FAM153A: variants seen among roughly 807,000 people sequenced by gnomAD.
FAM153A encodes the protein protein FAM153A.
Under a neutral mutation model 48.1 loss-of-function variants are expected in FAM153A, and 12 were observed. The observed-to-expected ratio is 0.25, with a 90% CI of 0.16 to 0.40. The LOEUF (loss-of-function observed/expected upper bound fraction) is 0.40. Among genes scored for constraint, FAM153A ranks in the 10% least tolerant of loss-of-function variants. The pLI, the probability that FAM153A is intolerant of heterozygous loss-of-function variation, is 1.00. For missense variants in FAM153A, 111 were observed against 345.8 expected (o/e 0.32, Z 5.38); for synonymous variants, 36 against 118.2 (o/e 0.30, Z 4.51).
upstream of FAM153A, among the ~76,000 whole-genome samples, chr5:177,755,723 T>G (rs1209670704): frequency 8.6e-5 from 13 of 151,426 alleles, 1 homozygote; most frequent in African/African-American, 3.2e-4. Context: ...GAATTTCATA[T>G]CCAGCCAAAC....
chr5:177,746,124 A>G (rs1488689916), intron 4 of FAM153A, among the ~76,000 whole-genome samples: 2,964 of 151,014 alleles, frequency 0.02, 71 homozygotes, highest in Non-Finnish European at 0.021. Context: ...TAAAAGACCA[A>G]GAGCTTGGGA....
downstream of FAM153A, among the ~76,000 whole-genome samples, chr5:177,710,624 C>T (rs1023511742): frequency 2.2e-4 from 32 of 145,974 alleles, no homozygotes; most frequent in Non-Finnish European, 3.3e-4. Context: ...AAACTTGCTC[C>T]TGTATGGCTG....
chr5:177,706,886 G>T (rs1371426322), downstream of FAM153A: 1 of 151,978 alleles, frequency 6.6e-6, no homozygotes, highest in African/African-American at 2.4e-5. Context: ...GTTACCAAAA[G>T]TGAGTATGTA....
chr5:177,696,757 C>T, the FAM153A span, among the ~76,000 whole-genome samples: 4 of 151,424 alleles, frequency 2.6e-5, no homozygotes, highest in Admixed American at 2.6e-4. Context: ...GCCTTGAAGT[C>T]CTGGGCTCAA....
At chr5:177,759,817 G>C (rs942232849) in intron 1 of FAM153A, among the ~76,000 whole-genome samples, 10 of 151,242 alleles carry the variant, frequency 6.6e-5, no homozygotes, top group Non-Finnish European at 1.0e-4. Flanking sequence ...CCTGTTGTGG[G>C]GGGGAGGGAT....
At chr5:177,715,237 C>T (rs1402679638) in intron 25 of FAM153A, among the ~76,000 whole-genome samples, 1 of 151,764 alleles carries the variant, frequency 6.6e-6, no homozygotes, top group Non-Finnish European at 1.5e-5. Context: ...CTGCCTCAGC[C>T]TCCCAAAGTG....
At chr5:177,737,397 C>T (rs891014364) in intron 10 of FAM153A, among the ~76,000 whole-genome samples, 2 of 151,132 alleles carry the variant, frequency 1.3e-5, no homozygotes, top group African/African-American at 2.5e-5. Flanking sequence ...CCTGGAGCAT[C>T]GACAGCTTCT....
intron 18 of FAM153A, among the ~76,000 whole-genome samples, chr5:177,728,548 G>A (rs1763074354): frequency 8.5e-6 from 1 of 117,402 alleles, no homozygotes; most frequent in African/African-American, 2.9e-5. Context: ...TTAGTTTGTT[G>A]GGGTGTTTTT....
chr5:177,735,264 G>A (rs1764530563), intron 12 of FAM153A, among the ~76,000 whole-genome samples: 1 of 147,002 alleles, frequency 6.8e-6, no homozygotes, highest in South Asian at 2.1e-4. Context: ...CTGCTGATCT[G>A]TTTATCATCC....
chr5:177,782,993 C>G (rs1158832402), upstream of FAM153A: 3 of 94,166 alleles, frequency 3.2e-5, no homozygotes, highest in East Asian at 3.9e-4. Flanking sequence ...GGCCGTGTAG[C>G]CCGCCCCGCT....
chr5:177,753,923 G>A (rs894802340), upstream of FAM153A, among the ~76,000 whole-genome samples: 41 of 152,030 alleles, frequency 2.7e-4, 1 homozygote, highest in African/African-American at 9.7e-4. Context: ...TGCAGAATAC[G>A]AAGGATTTCT....
At chr5:177,719,514 C>T (rs1294223175), downstream of FAM153A, among the ~76,000 whole-genome samples, 1 of 150,992 alleles carries the variant, frequency 6.6e-6, no homozygotes, top group Non-Finnish European at 1.5e-5. Context: ...CCCAGCTCGG[C>T]AAGGATAAGA....
intron 1 of FAM153A, among the ~76,000 whole-genome samples, chr5:177,758,945 C>G (rs1308806853): frequency 6.6e-6 from 1 of 151,682 alleles, no homozygotes; most frequent in East Asian, 1.9e-4. Flanking sequence ...ACACCAAAAG[C>G]AATGACAATG....
rs1258290379 is a variant in FAM153A, at chr5:177,741,436, G to T, written c.365-104C>A. On this transcript the variant is annotated intron_variant, in intron 6 of 20. Transcript: ENST00000614127. ...GGGGCTGGCACATGTAGACAAGGGGGGTTAACTACAAAAAAGGACCTCCTG... is the reference window on the plus strand; with the variant it reads ...GGGGCTGGCACATGTAGACAAGGGGTGTTAACTACAAAAAAGGACCTCCTG... The T allele has an allele frequency of 4.6e-6, 4 of 875,714 alleles. 1 individual carries two copies. The highest frequency in any genetic ancestry group is 6.2e-6 in the Non-Finnish European group (4 of 647,596). 54.2% of individuals were successfully genotyped at this position (875,714 alleles called of 1,614,324 possible).
the FAM153A span, among the ~76,000 whole-genome samples, chr5:177,700,095 C>G: frequency 1.3e-5 from 2 of 151,846 alleles, no homozygotes; most frequent in South Asian, 4.1e-4. Context: ...TAGAATAAAG[C>G]ACAAAACCCA....
At chr5:177,696,469 A>T in the FAM153A span, among the ~76,000 whole-genome samples, 2 of 151,924 alleles carry the variant, frequency 1.3e-5, no homozygotes, top group Admixed American at 6.6e-5. Flanking sequence ...TTTAATGACT[A>T]GTGTGAAGTA....
chr5:177,705,899 C>T (rs918942207), downstream of FAM153A, among the ~76,000 whole-genome samples: 2 of 151,632 alleles, frequency 1.3e-5, no homozygotes, highest in African/African-American at 4.9e-5. Flanking sequence ...ACCTCGTGAT[C>T]TGCCCGCCTC....
exon 1 of FAM153A, chr5:177,753,190 C>G: frequency 6.2e-7 from 1 of 1,611,818 alleles, no homozygotes; most frequent in Non-Finnish European, 8.5e-7. Context: ...AAGGCAACAA[C>G]TATAAACACA....
chr5:177,715,899 C>A (rs1352486712), intron 25 of FAM153A, among the ~76,000 whole-genome samples: 2 of 151,520 alleles, frequency 1.3e-5, no homozygotes, highest in Non-Finnish European at 2.9e-5. Context: ...TGGTGTCAAA[C>A]TCCTGGTTTA....
Sources: gnomAD v4.1 joint callset for allele counts (sites outside exome capture counted in the v4.1 genomes callset) on GRCh38, gnomAD v4.1.1 for gene constraint, MANE v1.5 for transcripts, NCBI Gene and HGNC (gene_info 2026-07-23, HGNC 2026-07-21) for gene names.